SYNPR: variants seen among roughly 807,000 people sequenced by gnomAD.
The protein encoded by SYNPR is synaptoporin.
A neutral mutation model predicts 32.9 loss-of-function variants in SYNPR; 23 were observed. The observed-to-expected ratio is 0.70, with a 90% CI of 0.50 to 0.99. The LOEUF (loss-of-function observed/expected upper bound fraction) is 0.99. Ranked by LOEUF, SYNPR falls within the 50% of genes least tolerant of loss-of-function variation. The pLI is 0.00. For missense variants in SYNPR, 318 were observed against 349.3 expected (o/e 0.91, Z 0.71); for synonymous variants, 146 against 135.9 (o/e 1.07, Z -0.52).
At chr3:63,339,323 T>C (rs539141356) in intron 2 of SYNPR, among the ~76,000 whole-genome samples, 5 of 152,274 alleles carry the variant, frequency 3.3e-5, no homozygotes. Flanking sequence ...GGAAGCAAAT[T>C]AACAAATTTT....
intron 2 of SYNPR, among the ~76,000 whole-genome samples, chr3:63,437,728 T>A (rs751702057): frequency 5.3e-5 from 8 of 152,034 alleles, no homozygotes; most frequent in Admixed American, 6.6e-5. Context: ...AGAGGGCCAC[T>A]TCACAGCACC....
chr3:63,558,264 TTG>T (rs2106830194), intron 4 of SYNPR, among the ~76,000 whole-genome samples: 2 of 152,372 alleles, frequency 1.3e-5, no homozygotes, highest in African/African-American at 4.8e-5. Flanking sequence ...GTCTCAGGTA[TTG>T]TGTTATAGCC....
chr3:63,263,063 G>C (rs2086452877), intron 2 of SYNPR, among the ~76,000 whole-genome samples: 2 of 152,218 alleles, frequency 1.3e-5, no homozygotes, highest in African/African-American at 4.8e-5. Context: ...GTAAACTTGA[G>C]TGAATGTTTA....
intron 3 of SYNPR, among the ~76,000 whole-genome samples, chr3:63,524,242 G>GA (rs1359073263): frequency 2.0e-5 from 3 of 151,934 alleles, no homozygotes; most frequent in Non-Finnish European, 2.9e-5. Flanking sequence ...GAATATCACC[G>GA]AAAAAAATCA....
At chr3:63,388,830 G>A (rs1255840117) in intron 2 of SYNPR, among the ~76,000 whole-genome samples, 1 of 152,046 alleles carries the variant, frequency 6.6e-6, no homozygotes, top group African/African-American at 2.4e-5. Flanking sequence ...TTTATACCCA[G>A]AAAGTTAATA....
chr3:63,431,783 A>T (rs1315307048), intron 2 of SYNPR, among the ~76,000 whole-genome samples: 8 of 151,972 alleles, frequency 5.3e-5, no homozygotes, highest in Admixed American at 1.3e-4. Context: ...GCCAGAACCA[A>T]CATAATCTTT....
At chr3:63,613,527 T>C (rs534975087) in intron 5 of SYNPR, among the ~76,000 whole-genome samples, 2 of 141,588 alleles carry the variant, frequency 1.4e-5, no homozygotes, top group Admixed American at 7.8e-5. Context: ...ATTAGATCAG[T>C]TGGGGGCCTA....
intron 2 of SYNPR, among the ~76,000 whole-genome samples, chr3:63,411,348 A>G (rs557536759): frequency 2.0e-5 from 3 of 152,254 alleles, no homozygotes; most frequent in East Asian, 1.9e-4. Flanking sequence ...CAGTCATTCA[A>G]TGAATACTTA....
At chr3:63,446,238 G>C (rs1208877043) in intron 2 of SYNPR, among the ~76,000 whole-genome samples, 1 of 150,932 alleles carries the variant, frequency 6.6e-6, no homozygotes, top group Non-Finnish European at 1.5e-5. Flanking sequence ...TTTTTGGAGA[G>C]CTTTACAAAA....
Position 63,331,855 on chromosome 3 carries a change from T to A in SYNPR, c.84+53113T>A, listed in dbSNP as rs139234419. On this transcript the variant is annotated intron_variant, in intron 2 of 5. Transcript: ENST00000478300. Reference sequence around the variant, plus strand: ...TCAACAAATATCTACTGAGTTTTAATGTGCCAGGCTGTGTGCCAGGAGCTG... The same window carrying A: ...TCAACAAATATCTACTGAGTTTTAAAGTGCCAGGCTGTGTGCCAGGAGCTG... Among the ~76,000 whole-genome samples, 8 of 152,284 alleles carry A rather than the reference T, an allele frequency of 5.3e-5. No individual in the cohort carries two copies. In the East Asian group the frequency reaches 1.4e-3, roughly 26 times the overall value.
At chr3:63,566,148 T>C (rs539086492) in intron 4 of SYNPR, among the ~76,000 whole-genome samples, 48 of 152,282 alleles carry the variant, frequency 3.2e-4, no homozygotes, top group African/African-American at 1.0e-3. Flanking sequence ...CCTGACTCCA[T>C]ATCTAATTAT....
chr3:63,396,099 C>T (rs531208678), intron 2 of SYNPR, among the ~76,000 whole-genome samples: 24 of 152,262 alleles, frequency 1.6e-4, no homozygotes, highest in African/African-American at 5.8e-4. Flanking sequence ...ACAGCTACGA[C>T]GTGTTATAAA....
intron 2 of SYNPR, among the ~76,000 whole-genome samples, chr3:63,366,735 T>C (rs1053397966): frequency 2.6e-5 from 4 of 152,220 alleles, no homozygotes; most frequent in Admixed American, 6.5e-5. Context: ...TTCTGAGAAC[T>C]GACTCTGTGC....
chr3:63,383,471 C>T (rs901714421), intron 2 of SYNPR, among the ~76,000 whole-genome samples: 5 of 152,022 alleles, frequency 3.3e-5, no homozygotes, highest in Non-Finnish European at 5.9e-5. Flanking sequence ...AATCCTACCA[C>T]TTTGGGAGGC....
At chr3:63,265,701 T>C (rs2086480279) in intron 2 of SYNPR, among the ~76,000 whole-genome samples, 1 of 152,258 alleles carries the variant, frequency 6.6e-6, no homozygotes. Flanking sequence ...GCTTTCATAA[T>C]GTTCCATACA....
intron 2 of SYNPR, among the ~76,000 whole-genome samples, chr3:63,323,285 G>C (rs1225387662): frequency 6.6e-6 from 1 of 152,018 alleles, no homozygotes; most frequent in Non-Finnish European, 1.5e-5. Flanking sequence ...GCTATGGACT[G>C]ATCCACTTTC....
chr3:63,518,677 AT>A (rs940736659), intron 3 of SYNPR, among the ~76,000 whole-genome samples: 3 of 152,122 alleles, frequency 2.0e-5, no homozygotes, highest in Admixed American at 6.5e-5. Flanking sequence ...CTGACTGCTG[AT>A]TTTATACCTG....
chr3:63,501,494 C>CAAAAAAAAAAAAAAAAAAAAAAAAAAA (rs377290258), intron 3 of SYNPR, among the ~76,000 whole-genome samples: 2 of 96,730 alleles, frequency 2.1e-5, no homozygotes, highest in Non-Finnish European at 4.3e-5. Context: ...CTCCCCCAAC[C>CAAAAAAAAAAAAAAAAAAAAAAAAAAA]AAAAAAAAAA....
chr3:63,488,199 T>G (rs930555760), intron 3 of SYNPR, among the ~76,000 whole-genome samples: 3 of 152,222 alleles, frequency 2.0e-5, no homozygotes, highest in African/African-American at 7.2e-5. Flanking sequence ...GCTGCAATTT[T>G]TTATATCTTG....
Sources: allele counts gnomAD v4.1 joint callset (sites outside exome capture counted in the v4.1 genomes callset), GRCh38; gene constraint gnomAD v4.1.1; transcripts MANE v1.5; gene names NCBI Gene and HGNC (gene_info 2026-07-23, HGNC 2026-07-21).